The following E2F2 variants were observed in gnomAD, a reference collection of about 807,000 sequenced individuals.
E2F2 encodes transcription factor E2F2.
In E2F2, 22 loss-of-function variants were observed where a neutral mutation model predicts 42.2. The observed-to-expected ratio is 0.52, with a 90% CI of 0.37 to 0.74. The LOEUF (loss-of-function observed/expected upper bound fraction) is 0.74. Among genes scored for constraint, E2F2 ranks in the 30% least tolerant of loss-of-function variants. The pLI, the probability that E2F2 is intolerant of heterozygous loss-of-function variation, is 0.00. For synonymous variants in E2F2, 248 were observed against 251.6 expected (o/e 0.99, Z 0.13); for missense variants, 481 against 557.8 (o/e 0.86, Z 1.39).
chr1:23,513,980 C>T (rs1352368366), intron 6 of E2F2, among the ~76,000 whole-genome samples: 6 of 151,662 alleles, frequency 4.0e-5, no homozygotes, highest in African/African-American at 1.5e-4. Context: ...AAAAATTAGC[C>T]GGGCATGGTG....
At chr1:23,506,204 G>C (rs1642792652), downstream of E2F2, among the ~76,000 whole-genome samples, 1 of 152,182 alleles carries the variant, frequency 6.6e-6, no homozygotes, top group African/African-American at 2.4e-5. Flanking sequence ...ATAGATGGGG[G>C]AGACAGAGTC....
In E2F2 at chr1:23,518,913, A is replaced by T; in HGVS notation, c.852+103T>A. 3.6e-6 allele frequency: 3 copies of T among 834,662 alleles called. No homozygotes were observed. The South Asian group carries it at 5.9e-5, about 16-fold the overall frequency. The allele number at this position is 834,662 out of a possible 1,614,324, so 51.7% of individuals were successfully genotyped here. Reference sequence around the variant, plus strand: ...CATGGACACCACAATGGGCCTGCAAAGCATGGGGCTAGGCAGTGCCAGGGA... The same window carrying T: ...CATGGACACCACAATGGGCCTGCAATGCATGGGGCTAGGCAGTGCCAGGGA... On this transcript the variant is annotated intron_variant, in intron 5 of 6. Coordinates refer to ENST00000361729, the MANE Select transcript of E2F2 (RefSeq NM_004091.4).
intron 1 of E2F2, among the ~76,000 whole-genome samples, chr1:23,528,506 T>C (rs1643285781): frequency 1.3e-5 from 2 of 152,218 alleles, no homozygotes; most frequent in Non-Finnish European, 1.5e-5. Context: ...TTTAGGGTGG[T>C]CTGCTGCAAG....
At chr1:23,527,247 C>T (rs1643266137) in intron 1 of E2F2, among the ~76,000 whole-genome samples, 1 of 152,204 alleles carries the variant, frequency 6.6e-6, no homozygotes, top group Non-Finnish European at 1.5e-5. Flanking sequence ...ATAGGGAGTG[C>T]CCCCACCAGG....
chr1:23,505,468 A>T (rs2999140), downstream of E2F2, among the ~76,000 whole-genome samples: 36,880 of 151,946 alleles, frequency 0.24, 6,391 homozygotes, highest in African/African-American at 0.49. Flanking sequence ...GCCTCAGAAT[A>T]CTGAGTCCCG....
chr1:23,519,076 C>A lies in E2F2; in HGVS notation c.792G>T (p.Gln264His). 6.2e-7 allele frequency: 1 copy of A among 1,614,054 alleles called. No individual in the cohort carries two copies. The highest frequency in any genetic ancestry group is 8.5e-7 in the Non-Finnish European group (1 of 1,179,958). The change falls in exon 5 of 7, where the codon CAG becomes CAT. Residue 264 changes from glutamine to histidine, a missense_variant. Physicochemically the swap from Gln to His is conservative, Grantham distance 24. Coordinates refer to ENST00000361729, the MANE Select transcript of E2F2 (RefSeq NM_004091.4). The stretch of plus-strand genomic sequence containing the variant: ...GAGGGGCCTTGACGGCAATCACTGT[C>A]TGCTCCTTAAAGTTGCCAACAGCAC... ...DIRAVGNFKE[Q>H]TVIAVKAPPQ...
chr1:23,530,532 C>T lies in E2F2; in HGVS notation c.252+10G>A, dbSNP rs780475353. The T allele has an allele frequency of 2.5e-5, 40 of 1,610,708 alleles. No individual in the cohort carries two copies. Among genetic ancestry groups the T allele is most frequent in the Non-Finnish European group, 3.3e-5 (39 of 1,178,658 alleles). On this transcript the variant is annotated intron_variant, in intron 1 of 6. Transcript: ENST00000361729. The surrounding 1 kb of genome is among the most constrained non-coding windows in gnomAD (Gnocchi z 4.4). The stretch of plus-strand genomic sequence containing the variant: ...GCATAGGGGGAAGCGGTGGGGGCCC[C>T]CAGCATTACCGGCAGCCGGCCTGCC...
intron 6 of E2F2, among the ~76,000 whole-genome samples, chr1:23,514,368 T>TG (rs2148692505): frequency 6.6e-6 from 1 of 152,252 alleles, no homozygotes; most frequent in African/African-American, 2.4e-5. Flanking sequence ...GGAGAAGCTC[T>TG]GGTCCCTGAT....
Position 23,506,889 on chromosome 1 carries a change from G to A in E2F2, c.*2991C>T, listed in dbSNP as rs1270727094. The A allele has an allele frequency of 6.6e-6, 1 of 152,444 alleles. No individual in the cohort carries two copies. Among genetic ancestry groups the A allele is most frequent in the African/African-American group, 2.4e-5 (1 of 41,450 alleles). The allele number at this position is 152,444 out of a possible 1,614,324, so 9.4% of individuals were successfully genotyped here. On this transcript the variant is annotated 3_prime_UTR_variant, in exon 7 of 7. Coordinates refer to ENST00000361729, the MANE Select transcript of E2F2 (RefSeq NM_004091.4). ...AGAACAAAGTCAGAACCATCCTAAAGCCAGTTTTTCAAGCTTGACCACCTC... is the reference window on the plus strand; with the variant it reads ...AGAACAAAGTCAGAACCATCCTAAAACCAGTTTTTCAAGCTTGACCACCTC...
chr1:23,522,178 G>A lies in E2F2; in HGVS notation c.359-122C>T, dbSNP rs1005296726. On this transcript the variant is annotated intron_variant, in intron 2 of 6. Transcript: ENST00000361729. ...CACCCACTTTCCAGTTTACAAAGCA[G>A]TGTGAGCCAGGGCATCCATCACCAC... 1.1e-5 allele frequency: 9 copies of A among 849,826 alleles called. No homozygotes were observed. In the Middle Eastern group the frequency reaches 9.7e-4, roughly 91 times the overall value. The allele number at this position is 849,826 out of a possible 1,614,324, so 52.6% of individuals were successfully genotyped here.
At chr1:23,521,813 A>G in intron 3 of E2F2, 24 bp downstream of exon 3, 1 of 1,612,170 alleles carries the variant, frequency 6.2e-7, no homozygotes, top group Non-Finnish European at 8.5e-7. Flanking sequence ...ATTGGAGGGT[A>G]CCACTGGCCG....
chr1:23,511,965 A>G (rs1642918241), intron 6 of E2F2, among the ~76,000 whole-genome samples: 1 of 152,122 alleles, frequency 6.6e-6, no homozygotes, highest in African/African-American at 2.4e-5. Context: ...TGGGAGGGCG[A>G]GGCAGGCAGA....
chr1:23,510,237 C>T (rs570651971), intron 6 of E2F2, 89 bp from the exon 7 acceptor site: 3 of 1,439,834 alleles, frequency 2.1e-6, no homozygotes, highest in African/African-American at 1.4e-5. Context: ...TGGATGACTG[C>T]ACCCTTCTTC....
In E2F2 at chr1:23,508,074, G is replaced by A. The variant is rs1290642330; in HGVS notation, c.*1806C>T. 1 of 152,202 alleles carries A rather than the reference G, an allele frequency of 6.6e-6. No homozygotes were observed. Among genetic ancestry groups the A allele is most frequent in the Non-Finnish European group, 1.5e-5 (1 of 68,042 alleles). The allele number at this position is 152,202 out of a possible 1,614,324, so 9.4% of individuals were successfully genotyped here. On this transcript the variant is annotated 3_prime_UTR_variant, in exon 7 of 7. Coordinates refer to ENST00000361729, the MANE Select transcript of E2F2 (RefSeq NM_004091.4). Reference sequence around the variant, plus strand: ...GACCCTTGTGAGTATTTGGGTAGGAGACCAAAAGCATTTCTGCAAAGGGTA... The same window carrying A: ...GACCCTTGTGAGTATTTGGGTAGGAAACCAAAAGCATTTCTGCAAAGGGTA...
At chr1:23,526,941 G>A (rs773284500) in intron 1 of E2F2, among the ~76,000 whole-genome samples, 7 of 152,020 alleles carry the variant, frequency 4.6e-5, no homozygotes, top group South Asian at 4.2e-4. Flanking sequence ...GTCCCAATGC[G>A]GCAAGTGTCC....
At position 23,509,987 on chromosome 1, in the gene E2F2, A is replaced by G; in HGVS notation, c.1207T>C (p.Phe403Leu). ...TCGTCCTGGTCCAAGGATGGGGAGA[A>G]GCTGATCAGAGGGGAGCTGCACGCC... ...TLACSSPLIS[F>L]SPSLDQDDYL... Residue 403 changes from phenylalanine (F) to leucine (L), a missense_variant, in exon 7 of 7, where the codon TTC becomes CTC. Coordinates refer to ENST00000361729, the MANE Select transcript of E2F2 (RefSeq NM_004091.4). 1 of 1,613,494 alleles carries G rather than the reference A, an allele frequency of 6.2e-7. No homozygotes were observed. The highest frequency in any genetic ancestry group is 1.3e-5 in the African/African-American group (1 of 75,002).
Position 23,508,751 on chromosome 1 carries a change from G to A in E2F2, c.*1129C>T, listed in dbSNP as rs1227637251. On this transcript the variant is annotated 3_prime_UTR_variant, in exon 7 of 7. Coordinates refer to ENST00000361729, the MANE Select transcript of E2F2 (RefSeq NM_004091.4). ...CTTGGGGTCTGAGTGAGCTCTGAGGGGTGGAGTCCTTAATGAACCATCCCC... is the reference window on the plus strand; with the variant it reads ...CTTGGGGTCTGAGTGAGCTCTGAGGAGTGGAGTCCTTAATGAACCATCCCC... The A allele has an allele frequency of 2.6e-5, 4 of 152,160 alleles. No individual in the cohort carries two copies. Among genetic ancestry groups the A allele is most frequent in the African/African-American group, 9.7e-5 (4 of 41,366 alleles). The allele number at this position is 152,160 out of a possible 1,614,324, so 9.4% of individuals were successfully genotyped here. A position where few individuals can be genotyped will look rare whatever the true frequency, so the allele number is the denominator to read the frequency against.
Position 23,530,464 on chromosome 1 carries a change from C to A in E2F2, c.252+78G>T. On this transcript the variant is annotated intron_variant, in intron 1 of 6. Transcript: ENST00000361729. The surrounding 1 kb of genome is among the most constrained non-coding windows in gnomAD (Gnocchi z 4.4). ...CAAAACTCTACCTGCTCCACTCAAACTGGATCTCAGGCACCCCTCCCTCCT... is the reference window on the plus strand; with the variant it reads ...CAAAACTCTACCTGCTCCACTCAAAATGGATCTCAGGCACCCCTCCCTCCT... 1 of 1,558,320 alleles carries A rather than the reference C, an allele frequency of 6.4e-7. No homozygotes were observed.
Position 23,530,509 on chromosome 1 carries a change from A to G in E2F2, c.252+33T>C, listed in dbSNP as rs1240958531. On this transcript the variant is annotated intron_variant, in intron 1 of 6. Coordinates refer to ENST00000361729, the MANE Select transcript of E2F2 (RefSeq NM_004091.4). This position sits in a 1 kb window ranked among gnomAD's most constrained non-coding sequence, Gnocchi z 4.4. Reference sequence around the variant, plus strand: ...CCTCCTTTCCCACACCTGGAAAAGCATAGGGGGAAGCGGTGGGGGCCCCCA... The same window carrying G: ...CCTCCTTTCCCACACCTGGAAAAGCGTAGGGGGAAGCGGTGGGGGCCCCCA... 6.2e-7 allele frequency: 1 copy of G among 1,608,482 alleles called. No homozygotes were observed. The highest frequency in any genetic ancestry group is 1.3e-5 in the African/African-American group (1 of 74,802).
Sources: gnomAD v4.1 joint callset for allele counts (sites outside exome capture counted in the v4.1 genomes callset) on GRCh38, gnomAD v4.1.1 for gene constraint, Gnocchi (gnomAD v3.1) non-coding constraint, MANE v1.5 for transcripts, NCBI Gene and HGNC (gene_info 2026-07-23, HGNC 2026-07-21) for gene names.